RPGRIP1: variants seen among roughly 807,000 people sequenced by gnomAD.
The protein encoded by RPGRIP1 is RPGR interacting protein 1.
A neutral mutation model predicts 157.9 loss-of-function variants in RPGRIP1; 128 were observed. The ratio of observed to expected loss-of-function variants is 0.81; its 90% CI spans 0.70 to 0.94. The LOEUF is 0.94. Among genes scored for constraint, RPGRIP1 ranks in the 40% least tolerant of loss-of-function variants. The probability of loss-of-function intolerance (pLI) is 0.00; values close to 1 mark genes in which losing one functional copy is unlikely to be tolerated. For missense variants in RPGRIP1, 1,486 were observed against 1,545.8 expected (o/e 0.96, Z 0.65); for synonymous variants, 554 against 571.6 (o/e 0.97, Z 0.44).
At chr14:21,307,645 G>A (rs1381197129) in intron 6 of RPGRIP1, 86 bp from the exon 7 acceptor site, 2 of 803,030 alleles carry the variant, frequency 2.5e-6, no homozygotes, top group East Asian at 5.4e-5. Context: ...CAAGAGGGAG[G>A]TATTCTTACT....
intron 19 of RPGRIP1, 73 bp from the exon 20 acceptor site, chr14:21,330,176 G>A: frequency 4.9e-6 from 5 of 1,019,056 alleles, no homozygotes; most frequent in Non-Finnish European, 6.9e-6. Context: ...TAAAAAGAAG[G>A]CAGGAAGGAA....
Position 21,325,229 on chromosome 14 carries a change from C to G in RPGRIP1, c.2216-3C>G. 1 of 1,601,354 alleles carries G rather than the reference C, an allele frequency of 6.2e-7. No homozygotes were observed. The highest frequency in any genetic ancestry group is 2.2e-5 in the East Asian group (1 of 44,742). ...CCCTGCTTTCACACTTTCTGCTACC[C>G]AGGAGCTGGTGGAGAAGAGTTCGGG... On this transcript the variant is annotated splice_polypyrimidine_tract_variant and splice_region_variant and intron_variant, in intron 15 of 24. Coordinates refer to ENST00000400017, the MANE Select transcript of RPGRIP1 (RefSeq NM_020366.4).
At chr14:21,345,767 G>A (rs28702929) in intron 23 of RPGRIP1, among the ~76,000 whole-genome samples, 2,377 of 151,918 alleles carry the variant, frequency 0.016, 74 homozygotes, top group African/African-American at 0.053. Context: ...TTTTTTTGTA[G>A]CAGCAGTTTA....
chr14:21,317,376 G>C (rs1881877341), intron 10 of RPGRIP1, among the ~76,000 whole-genome samples: 1 of 152,222 alleles, frequency 6.6e-6, no homozygotes, highest in Admixed American at 6.5e-5. Context: ...CGGCAGGCCT[G>C]AGAAGGTCTT....
At chr14:21,321,015 A>G (rs1291197849) in intron 12 of RPGRIP1, among the ~76,000 whole-genome samples, 1 of 152,308 alleles carries the variant, frequency 6.6e-6, no homozygotes, top group African/African-American at 2.4e-5. Context: ...TCAGATGAGG[A>G]CTTGAAAAGA....
Position 21,327,812 on chromosome 14 carries a change from C to T in RPGRIP1, c.2895+5C>T, listed in dbSNP as rs1249626787. 6.4e-7 allele frequency: 1 copy of T among 1,571,374 alleles called. No individual in the cohort carries two copies. On this transcript the variant is annotated splice_donor_5th_base_variant and intron_variant, in intron 18 of 24. Coordinates refer to ENST00000400017, the MANE Select transcript of RPGRIP1 (RefSeq NM_020366.4). ...AAGGCTTCATTTCCTTCCCAGGTAA[C>T]TCTCCAGGACTCCACAGGTAGCAGA...
At chr14:21,338,876 C>T (rs74784432) in intron 21 of RPGRIP1, among the ~76,000 whole-genome samples, 2,579 of 152,262 alleles carry the variant, frequency 0.017, 61 homozygotes, top group East Asian at 0.13. Context: ...TGGTGGCTCA[C>T]GCCTGTAATC....
At position 21,327,479 on chromosome 14, in the gene RPGRIP1, A is replaced by G. The variant is rs999726237; in HGVS notation, c.2711-144A>G. The G allele has an allele frequency of 1.2e-5, 8 of 678,876 alleles. No individual in the cohort carries two copies. The African/African-American group carries it at 1.3e-4, about 11-fold the overall frequency. 42.1% of individuals were successfully genotyped at this position (678,876 alleles called of 1,614,324 possible). A position where few individuals can be genotyped will look rare whatever the true frequency, so the allele number is the denominator to read the frequency against. On this transcript the variant is annotated intron_variant, in intron 17 of 24. Coordinates refer to ENST00000400017, the MANE Select transcript of RPGRIP1 (RefSeq NM_020366.4). ...TGATTTTACTTCTGAGTGTATCATC[A>G]TCGTAATTATTTAATGGATGTTAAT...
chr14:21,339,307 G>A lies in RPGRIP1; in HGVS notation c.3340-3729G>A, dbSNP rs542460230. Reference sequence around the variant, plus strand: ...CTAAAAATACAAAAATTAGCTGGGCGTGGTGGCGCGTGCTTGTAATCCTGG... The same window carrying A: ...CTAAAAATACAAAAATTAGCTGGGCATGGTGGCGCGTGCTTGTAATCCTGG... On this transcript the variant is annotated intron_variant, in intron 21 of 24. Coordinates refer to ENST00000400017, the MANE Select transcript of RPGRIP1 (RefSeq NM_020366.4). Among the ~76,000 whole-genome samples the A allele has an allele frequency of 4.6e-5, 7 of 152,160 alleles. No homozygotes were observed. The South Asian group carries it at 1.0e-3, about 23-fold the overall frequency.
intron 2 of RPGRIP1, among the ~76,000 whole-genome samples, chr14:21,292,554 A>C (rs148456961): frequency 1.6e-3 from 236 of 152,122 alleles, no homozygotes; most frequent in African/African-American, 3.9e-3. Context: ...AAAAAATTTA[A>C]AAATTGGCCA....
chr14:21,304,818 T>G (rs1881227964), intron 6 of RPGRIP1, among the ~76,000 whole-genome samples: 1 of 152,050 alleles, frequency 6.6e-6, no homozygotes, highest in African/African-American at 2.4e-5. Context: ...TTTTTTTTTT[T>G]TGAGATGGAG....
At chr14:21,327,952 T>G in intron 18 of RPGRIP1, 145 bp downstream of exon 18, 2 of 591,778 alleles carry the variant, frequency 3.4e-6, no homozygotes, top group Non-Finnish European at 5.6e-6. Flanking sequence ...GCGAATTACC[T>G]GAGGTCAGGA....
intron 12 of RPGRIP1, among the ~76,000 whole-genome samples, chr14:21,320,538 A>G (rs542559440): frequency 8.5e-4 from 121 of 142,924 alleles, no homozygotes; most frequent in Non-Finnish European, 1.6e-3. Flanking sequence ...TGATCCGCCC[A>G]CCTCGGCCTC....
chr14:21,321,733 T>C, intron 13 of RPGRIP1, 121 bp from the exon 14 acceptor site: 2 of 1,007,820 alleles, frequency 2.0e-6, no homozygotes, highest in Admixed American at 2.8e-5. Context: ...AACCTTCTTC[T>C]AGTGGGTGAA....
chr14:21,313,168 A>T (rs1881611875), intron 10 of RPGRIP1, among the ~76,000 whole-genome samples: 1 of 151,928 alleles, frequency 6.6e-6, no homozygotes, highest in Non-Finnish European at 1.5e-5. Context: ...GGGGAATCAA[A>T]ATGAAAAAAT....
Position 21,351,222 on chromosome 14 carries a change from CAAG to C in RPGRIP1, c.*7_*9del. ...CTGAAGATTTGTTTTCATGAAGGAA[CAAG>C]TGCTATTCCAATCTAAAAGTCTCTG... On this transcript the variant is annotated 3_prime_UTR_variant, in exon 25 of 25. Transcript: ENST00000400017. The C allele has an allele frequency of 6.6e-7, 1 of 1,523,782 alleles. No individual in the cohort carries two copies. Among genetic ancestry groups the C allele is most frequent in the Non-Finnish European group, 9.1e-7 (1 of 1,101,692 alleles). The allele number at this position is 1,523,782 out of a possible 1,614,324, so 94.4% of individuals were successfully genotyped here.
intron 2 of RPGRIP1, among the ~76,000 whole-genome samples, chr14:21,291,701 C>T (rs1202835436): frequency 6.6e-6 from 1 of 152,016 alleles, no homozygotes; most frequent in African/African-American, 2.4e-5. Flanking sequence ...CCAGCCTCAG[C>T]CTTCCAAGTA....
Position 21,320,013 on chromosome 14 carries a change from C to G in RPGRIP1, c.1307-4C>G, listed in dbSNP as rs1309833257. The G allele has an allele frequency of 1.2e-6, 2 of 1,607,780 alleles. No individual in the cohort carries two copies. Among genetic ancestry groups the G allele is most frequent in the East Asian group, 2.2e-5 (1 of 44,728 alleles). On this transcript the variant is annotated splice_polypyrimidine_tract_variant and splice_region_variant and intron_variant, in intron 11 of 24. Coordinates refer to ENST00000400017, the MANE Select transcript of RPGRIP1 (RefSeq NM_020366.4). ...TTTCACATTTCTGGATTATTTTTCC[C>G]CAGCCCAAAATGAGGATCTGAAGCT... is the stretch of plus-strand genomic sequence containing the variant.
At chr14:21,349,705 TATA>T (rs1885987080) in intron 24 of RPGRIP1, among the ~76,000 whole-genome samples, 1 of 152,132 alleles carries the variant, frequency 6.6e-6, no homozygotes, top group Non-Finnish European at 1.5e-5. Flanking sequence ...CGCCCAGCCA[TATA>T]ATTTCTAAAC....
Sources: allele counts gnomAD v4.1 joint callset (sites outside exome capture counted in the v4.1 genomes callset), GRCh38; gene constraint gnomAD v4.1.1; transcripts MANE v1.5; gene names NCBI Gene and HGNC (gene_info 2026-07-23, HGNC 2026-07-21).